Variants in PATJ observed in about 807,000 individuals in gnomAD.
PATJ encodes the protein inaD-like protein.
In PATJ, 190 loss-of-function variants were observed where a neutral mutation model predicts 224.9. The ratio of observed to expected loss-of-function variants is 0.84; its 90% CI spans 0.75 to 0.95. The LOEUF (loss-of-function observed/expected upper bound fraction) is 0.95. PATJ is among the 40% of genes least tolerant of loss of function. The probability of loss-of-function intolerance (pLI) is 0.00; values close to 1 mark genes in which losing one functional copy is unlikely to be tolerated. For synonymous variants in PATJ, 769 were observed against 820.3 expected, an observed-to-expected ratio of 0.94 and a Z score of 1.07; for missense variants, 2,121 against 2,270.3, an observed-to-expected ratio of 0.93 and a Z score of 1.34.
chr1:61,786,038 A>G (rs187623936), intron 7 of PATJ, among the ~76,000 whole-genome samples: 279 of 152,188 alleles, frequency 1.8e-3, no homozygotes, highest in African/African-American at 6.6e-3. Context: ...TTTTATTTTT[A>G]TGAGGTAGAG....
chr1:61,932,900 C>A (rs1281406982), intron 27 of PATJ, among the ~76,000 whole-genome samples: 1 of 151,892 alleles, frequency 6.6e-6, no homozygotes, highest in African/African-American at 2.4e-5. Context: ...CTCTGTCCGA[C>A]CCCCTCAAAA....
intron 24 of PATJ, among the ~76,000 whole-genome samples, chr1:61,903,413 G>T (rs1671456635): frequency 6.6e-6 from 1 of 152,210 alleles, no homozygotes; most frequent in East Asian, 1.9e-4. Context: ...AAGACTGTGG[G>T]AGGAACAGAT....
intron 28 of PATJ, among the ~76,000 whole-genome samples, chr1:62,010,201 T>C (rs1646359753): frequency 6.6e-6 from 1 of 151,998 alleles, no homozygotes; most frequent in Non-Finnish European, 1.5e-5. Context: ...ATCTTCAGGC[T>C]CCACTTCTGA....
At chr1:61,955,446 A>T (rs1410338025) in intron 27 of PATJ, among the ~76,000 whole-genome samples, 1 of 152,152 alleles carries the variant, frequency 6.6e-6, no homozygotes, top group Non-Finnish European at 1.5e-5. Context: ...CAAGCTCCAG[A>T]CTTGTGAGTC....
intron 27 of PATJ, among the ~76,000 whole-genome samples, chr1:61,960,604 A>G (rs1375815023): frequency 6.6e-6 from 1 of 151,752 alleles, no homozygotes; most frequent in Non-Finnish European, 1.5e-5. Flanking sequence ...CAGACGTTGC[A>G]GTGAGCCGAG....
chr1:61,902,744 A>G (rs1369623779), intron 24 of PATJ, among the ~76,000 whole-genome samples: 2 of 152,184 alleles, frequency 1.3e-5, no homozygotes, highest in Non-Finnish European at 2.9e-5. Context: ...AAATAAGTAT[A>G]TGTAGAATGT....
In PATJ at chr1:61,819,572, G is replaced by C. The variant is rs377319598; in HGVS notation, c.1684-3373G>C. ...TATATTATAGATCAGTGGTATGCTGGTAAGTTTCTAGCTCTCAAAAGCAGC... is the reference window on the plus strand; with the variant it reads ...TATATTATAGATCAGTGGTATGCTGCTAAGTTTCTAGCTCTCAAAAGCAGC... On this transcript the variant is annotated intron_variant, in intron 14 of 43. Coordinates refer to ENST00000642238, the MANE Select transcript of PATJ (RefSeq NM_001350145.3). Among the ~76,000 whole-genome samples the C allele has an allele frequency of 6.3e-5, 9 of 143,416 alleles. 1 individual carries two copies. The East Asian group carries it at 9.5e-4, about 15-fold the overall frequency. 94.1% of individuals were successfully genotyped at this position (143,416 alleles called of 152,430 possible).
Position 61,763,044 on chromosome 1 carries a change from C to T in PATJ, c.54C>T (p.Arg18=). 1 of 1,611,004 alleles carries T rather than the reference C, an allele frequency of 6.2e-7. No individual in the cohort carries two copies. The highest frequency in any genetic ancestry group is 8.5e-7 in the Non-Finnish European group (1 of 1,178,286). The part of the protein sequence containing the change: ...DKLQVLQVLD[R]LKMKLQEKGD... Reference sequence around the variant, plus strand: ...TGCAGGTGCTGCAGGTACTTGATCGCCTGAAAATGAAATTGCAGGAGAAGG... The same window carrying T: ...TGCAGGTGCTGCAGGTACTTGATCGTCTGAAAATGAAATTGCAGGAGAAGG... The change falls in exon 3 of 44, where the codon CGC becomes CGT. Residue 18 remains arginine, a synonymous_variant. Coordinates refer to ENST00000642238, the MANE Select transcript of PATJ (RefSeq NM_001350145.3).
rs1558046635 is a variant in PATJ, at chr1:62,017,853, CA to C, written c.3868-2del. On this transcript the variant is annotated splice_acceptor_variant, in intron 28 of 43. Coordinates refer to ENST00000642238, the MANE Select transcript of PATJ (RefSeq NM_001350145.3). LOFTEE classifies it high-confidence loss of function. ...TTAGTACATTGTGGTTTTTCCCAAA[CA>C]GATAAACAATCAGATTCTGTATGGA... The C allele has an allele frequency of 6.3e-7, 1 of 1,575,582 alleles. No individual in the cohort carries two copies. Among genetic ancestry groups the C allele is most frequent in the Admixed American group, 1.7e-5 (1 of 59,816 alleles).
chr1:61,945,211 A>G (rs1013609512), intron 27 of PATJ, among the ~76,000 whole-genome samples: 24 of 152,224 alleles, frequency 1.6e-4, no homozygotes, highest in Admixed American at 6.5e-5. Context: ...GACAGGATCA[A>G]ATTCACACAT....
intron 27 of PATJ, among the ~76,000 whole-genome samples, chr1:61,979,067 G>A (rs1396416831): frequency 6.6e-6 from 1 of 151,978 alleles, no homozygotes; most frequent in African/African-American, 2.4e-5. Context: ...ATTGTCCTGG[G>A]GCTAGACAAT....
chr1:62,163,544 G>A lies in PATJ; in HGVS notation c.*2490G>A, dbSNP rs1380661987. The A allele has an allele frequency of 3.9e-5, 6 of 152,488 alleles. No homozygotes were observed. Among genetic ancestry groups the A allele is most frequent in the African/African-American group, 1.4e-4 (6 of 41,398 alleles). The allele number at this position is 152,488 out of a possible 1,614,324, so 9.4% of individuals were successfully genotyped here. A position where few individuals can be genotyped will look rare whatever the true frequency, so the allele number is the denominator to read the frequency against. ...GTTTCTTTATACATTATCCTTTTAGGTCGTGCTAGTAAAAGTATATTGATG... is the reference window on the plus strand; with the variant it reads ...GTTTCTTTATACATTATCCTTTTAGATCGTGCTAGTAAAAGTATATTGATG... On this transcript the variant is annotated 3_prime_UTR_variant, in exon 44 of 44. Coordinates refer to ENST00000642238, the MANE Select transcript of PATJ (RefSeq NM_001350145.3).
intron 39 of PATJ, among the ~76,000 whole-genome samples, chr1:62,125,552 T>G (rs1389781540): frequency 6.6e-6 from 1 of 152,196 alleles, no homozygotes; most frequent in Non-Finnish European, 1.5e-5. Flanking sequence ...GGAAGTTAAA[T>G]GTACCAACAG....
At chr1:62,052,770 A>G (rs1653864812) in intron 31 of PATJ, among the ~76,000 whole-genome samples, 1 of 152,068 alleles carries the variant, frequency 6.6e-6, no homozygotes, top group African/African-American at 2.4e-5. Flanking sequence ...AAAAAGAATA[A>G]TGGCAGTAAA....
chr1:62,072,042 G>A (rs552125300), intron 31 of PATJ, among the ~76,000 whole-genome samples: 20 of 151,870 alleles, frequency 1.3e-4, no homozygotes, highest in East Asian at 9.7e-4. Flanking sequence ...GTAAACCATC[G>A]TATGATAATT....
chr1:61,871,559 T>TATATA lies in PATJ; in HGVS notation c.2836-3684_2836-3683insATATA, dbSNP rs1557794110. Among the ~76,000 whole-genome samples the TATATA allele has an allele frequency of 1.6e-3, 22 of 13,800 alleles. No homozygotes were observed. In the East Asian group the frequency reaches 0.028, roughly 18 times the overall value. The allele number at this position is 13,800 out of a possible 152,430, so 9.1% of individuals were successfully genotyped here. ...TGTGTGTATATATATATATATATAT[T>TATATA]TTTTTTTTTTTTTTTTTTTTTGAGA... is the stretch of plus-strand genomic sequence containing the variant. On this transcript the variant is annotated intron_variant, in intron 20 of 43. Coordinates refer to ENST00000642238, the MANE Select transcript of PATJ (RefSeq NM_001350145.3).
rs1650108503 is a variant in PATJ, at chr1:61,792,566, T to C, written c.1168+1119T>C. Among the ~76,000 whole-genome samples, 4 of 152,102 alleles carry C rather than the reference T, an allele frequency of 2.6e-5. No homozygotes were observed. In the South Asian group the frequency reaches 8.3e-4, roughly 32 times the overall value. ...TTTTTTTTTGAGATGAGTCTCGCTC[T>C]GTCGCCCAGGCTGGAGTGCAGTGGC... On this transcript the variant is annotated intron_variant, in intron 9 of 43. Transcript: ENST00000642238.
chr1:61,955,122 T>C (rs1421155780), intron 27 of PATJ, among the ~76,000 whole-genome samples: 3 of 152,196 alleles, frequency 2.0e-5, no homozygotes, highest in Admixed American at 2.0e-4. Context: ...ATACATCTAT[T>C]CCATGTTAGT....
intron 34 of PATJ, among the ~76,000 whole-genome samples, chr1:62,109,662 C>A (rs1010186987): frequency 2.6e-5 from 4 of 152,174 alleles, no homozygotes; most frequent in Admixed American, 2.0e-4. Flanking sequence ...ATTTTCAAAT[C>A]AATTGGTGTT....
Sources: gnomAD v4.1 joint callset for allele counts (sites outside exome capture counted in the v4.1 genomes callset) on GRCh38, gnomAD v4.1.1 for gene constraint, MANE v1.5 for transcripts, NCBI Gene and HGNC (gene_info 2026-07-23, HGNC 2026-07-21) for gene names.